Variants in OAS3 observed in about 807,000 individuals in gnomAD.
OAS3 encodes 2'-5'-oligoadenylate synthase 3.
OAS3 carries 107 observed loss-of-function variants against 113.0 expected under a neutral mutation model. The observed-to-expected ratio is 0.95, with a 90% confidence interval of 0.81 to 1.11. OAS3 has a LOEUF of 1.11. OAS3 is among the 50% of genes most tolerant of loss of function. OAS3 has a pLI of 0.00. For missense variants in OAS3, 1,258 were observed against 1,389.1 expected, an observed-to-expected ratio of 0.91 and a Z score of 1.50; for synonymous variants, 552 against 573.6, an observed-to-expected ratio of 0.96 and a Z score of 0.54.
At chr12:112,951,839 CAA>C (rs3038125) in intron 7 of OAS3, among the ~76,000 whole-genome samples, 7,738 of 105,702 alleles carry the variant, frequency 0.073, 368 homozygotes, top group African/African-American at 0.2. Context: ...ACTAAAAATA[CAA>C]AAAAAAAAAA....
intron 14 of OAS3, among the ~76,000 whole-genome samples, chr12:112,968,669 C>G (rs2043958079): frequency 6.6e-6 from 1 of 152,150 alleles, no homozygotes; most frequent in Non-Finnish European, 1.5e-5. Flanking sequence ...CGCATGCCAC[C>G]AGGTCCAGCT....
chr12:112,967,605 G>A lies in OAS3; in HGVS notation c.2865+12G>A. On this transcript the variant is annotated intron_variant, in intron 13 of 15. Transcript: ENST00000228928. ...ACTGGTACCAGCAGGTTCGGCACAT[G>A]GATAGGCCACCTTCCTAAGTTGCCC... 1 of 1,610,136 alleles carries A rather than the reference G, an allele frequency of 6.2e-7. No individual in the cohort carries two copies. The highest frequency in any genetic ancestry group is 8.5e-7 in the Non-Finnish European group (1 of 1,177,824).
chr12:112,941,974 C>T, intron 2 of OAS3, 122 bp downstream of exon 2: 2 of 1,207,382 alleles, frequency 1.7e-6, no homozygotes, highest in Non-Finnish European at 2.4e-6. Flanking sequence ...CTACCCCTCT[C>T]TCAGCCTCAG....
At chr12:112,966,493 A>G (rs1390016433) in intron 12 of OAS3, among the ~76,000 whole-genome samples, 1 of 152,172 alleles carries the variant, frequency 6.6e-6, no homozygotes, top group African/African-American at 2.4e-5. Context: ...AGGCACCAAA[A>G]ATAAAGCCTT....
chr12:112,941,664 G>T lies in OAS3; in HGVS notation c.272G>T (p.Arg91Met). The change falls in exon 2 of 16, where the codon AGG (arginine) becomes ATG (methionine). Residue 91 changes from arginine (R) to methionine (M), a missense_variant. Coordinates refer to ENST00000228928, the MANE Select transcript of OAS3 (RefSeq NM_006187.4). ...LDCFKSYVDQRARRAEILSEM... is the reference protein window; with the variant it reads ...LDCFKSYVDQMARRAEILSEM... ...TGCTTCAAGAGCTATGTGGACCAGA[G>T]GGCCCGCCGTGCAGAGATCCTCAGT... 6.2e-7 allele frequency: 1 copy of T among 1,614,044 alleles called. No homozygotes were observed. The highest frequency in any genetic ancestry group is 8.5e-7 in the Non-Finnish European group (1 of 1,179,904).
chr12:112,966,663 A>T (rs1377052584), intron 12 of OAS3, among the ~76,000 whole-genome samples: 1 of 152,080 alleles, frequency 6.6e-6, no homozygotes, highest in Non-Finnish European at 1.5e-5. Flanking sequence ...TTTTTAAGAG[A>T]CAGGGTCTTA....
chr12:112,943,138 TTGTCTAGGCTGGTCTTGAACTTC>T (rs2043695103), intron 2 of OAS3, among the ~76,000 whole-genome samples: 1 of 152,114 alleles, frequency 6.6e-6, no homozygotes, highest in Non-Finnish European at 1.5e-5. Context: ...TTTCACCATG[TTGTCTAGGCTGGTCTTGAACTTC>T]TGAGATCAAA....
intron 6 of OAS3, among the ~76,000 whole-genome samples, chr12:112,950,367 A>C (rs981221479): frequency 6.6e-6 from 1 of 152,358 alleles, no homozygotes; most frequent in South Asian, 2.1e-4. Flanking sequence ...CCAGATGTGC[A>C]GTCAGTAGAT....
At chr12:112,941,428 A>T (rs2043678403) in intron 1 of OAS3, 142 bp from the exon 2 acceptor site, 1 of 816,816 alleles carries the variant, frequency 1.2e-6, no homozygotes, top group Non-Finnish European at 2.0e-6. Flanking sequence ...CCCTGGGCCC[A>T]CATTCCCGCG....
rs2043972130 is a variant in OAS3 at position 112,970,149 on chromosome 12, C to A, written c.*176C>A. 4 of 720,252 alleles carry A rather than the reference C, an allele frequency of 5.6e-6. No individual in the cohort carries two copies. The highest frequency in any genetic ancestry group is 9.6e-6 in the Non-Finnish European group (4 of 416,744). 44.6% of individuals were successfully genotyped at this position (720,252 alleles called of 1,614,324 possible). A position where few individuals can be genotyped will look rare whatever the true frequency, so the allele number is the denominator to read the frequency against. On this transcript the variant is annotated 3_prime_UTR_variant, in exon 16 of 16. Coordinates refer to ENST00000228928, the MANE Select transcript of OAS3 (RefSeq NM_006187.4). ...GTGTGTTTTAGTGAATCTGCTCTCCCAGCTCACACACTCCCCTGCCTCCCA... is the reference window on the plus strand; with the variant it reads ...GTGTGTTTTAGTGAATCTGCTCTCCAAGCTCACACACTCCCCTGCCTCCCA...
chr12:112,950,898 C>T lies in OAS3; in HGVS notation c.1580C>T (p.Ala527Val). The change falls in exon 7 of 16, where the codon GCT (alanine) becomes GTT (valine). Residue 527 changes from alanine to valine, a missense_variant. Coordinates refer to ENST00000228928, the MANE Select transcript of OAS3 (RefSeq NM_006187.4). ...TTTCCTGAGCAGAATGTGCCTGAGG[C>T]TCTGCAGTTCCAGCTGGTGTCCACA... ...LQFPEQNVPE[A>V]LQFQLVSTAL... is the part of the protein sequence containing the mutation. 2 of 1,614,006 alleles carry T rather than the reference C, an allele frequency of 1.2e-6. No individual in the cohort carries two copies. The highest frequency in any genetic ancestry group is 1.7e-6 in the Non-Finnish European group (2 of 1,179,888).
At chr12:112,943,341 G>T (rs998452578) in intron 2 of OAS3, among the ~76,000 whole-genome samples, 1 of 152,122 alleles carries the variant, frequency 6.6e-6, no homozygotes, top group Non-Finnish European at 1.5e-5. Flanking sequence ...AACTTATGAG[G>T]TCTGTACTGT....
chr12:112,951,137 A>G (rs1245715187), intron 7 of OAS3, among the ~76,000 whole-genome samples, 162 bp downstream of exon 7: 2 of 152,120 alleles, frequency 1.3e-5, no homozygotes, highest in Non-Finnish European at 2.9e-5. Context: ...AAATCTTACA[A>G]CTATTTAGTG....
At chr12:112,955,948 T>A (rs982593460) in intron 7 of OAS3, among the ~76,000 whole-genome samples, 1 of 152,248 alleles carries the variant, frequency 6.6e-6, no homozygotes, top group Non-Finnish European at 1.5e-5. Flanking sequence ...AGAATTCGGC[T>A]GTGAATCCAT....
At position 112,948,023 on chromosome 12, in the gene OAS3, A is replaced by T. The variant is rs1360137997; in HGVS notation, c.953A>T (p.Gln318Leu). ...GAAWHWDLLA[Q>L]EAASCYDHPC... ...GCCTGGCACTGGGATTTGCTAGCCC[A>T]GGAGGCAGCATCCTGCTATGACCAC... Residue 318 changes from glutamine (Q) to leucine (L), a missense_variant, in exon 5 of 16, where the codon CAG becomes CTG. Gln to Leu is a moderately radical substitution (Grantham distance 113). Coordinates refer to ENST00000228928, the MANE Select transcript of OAS3 (RefSeq NM_006187.4). 1.2e-6 allele frequency: 2 copies of T among 1,601,724 alleles called. No individual in the cohort carries two copies. Among genetic ancestry groups the T allele is most frequent in the South Asian group, 2.2e-5 (2 of 89,660 alleles).
rs575866905 is a variant in OAS3, at chr12:112,946,790, C to T, written c.684C>T (p.Ala228=). The change falls in exon 4 of 16, where the codon GCC becomes GCT. Residue 228 remains alanine, a synonymous_variant. Coordinates refer to ENST00000228928, the MANE Select transcript of OAS3 (RefSeq NM_006187.4). The stretch of plus-strand genomic sequence containing the variant: ...AGGAGACGCTGCCCCCGGTCTATGC[C>T]CTGGAATTGCTGACCATCTTCGCCT... ...LWKETLPPVY[A]LELLTIFAWE... is the part of the protein sequence containing the mutation. The T allele has an allele frequency of 6.2e-7, 1 of 1,613,460 alleles. No homozygotes were observed. Among genetic ancestry groups the T allele is most frequent in the African/African-American group, 1.3e-5 (1 of 75,032 alleles).
rs1295665839 is a variant in OAS3, at chr12:112,941,581, G to A, written c.189G>A (p.Ser63=). Residue 63 remains serine, a synonymous_variant, in exon 2 of 16, where the codon TCG becomes TCA. Coordinates refer to ENST00000228928, the MANE Select transcript of OAS3 (RefSeq NM_006187.4). ...TTTTCTTTGCCCAGGGAGGCTCCTCGGGCCGGGGCACAGCTCTCAAGGGTG... is the reference window on the plus strand; with the variant it reads ...TTTTCTTTGCCCAGGGAGGCTCCTCAGGCCGGGGCACAGCTCTCAAGGGTG... ...RVLKTVKGGS[S]GRGTALKGGC... 4.3e-6 allele frequency: 7 copies of A among 1,611,152 alleles called. No individual in the cohort carries two copies. In the South Asian group the frequency reaches 4.4e-5, roughly 10 times the overall value.
At chr12:112,950,661 G>A in intron 6 of OAS3, 32 bp from the exon 7 acceptor site, 5 of 1,610,546 alleles carry the variant, frequency 3.1e-6, no homozygotes, top group Non-Finnish European at 4.2e-6. Context: ...CTCCTAGAGG[G>A]TCCCTGATCT....
intron 2 of OAS3, among the ~76,000 whole-genome samples, chr12:112,943,483 T>C (rs1369184112): frequency 6.6e-6 from 1 of 152,134 alleles, no homozygotes; most frequent in Non-Finnish European, 1.5e-5. Flanking sequence ...TCCCAAGCCA[T>C]GCCCATGGGA....
Sources: gnomAD v4.1 joint callset for allele counts (sites outside exome capture counted in the v4.1 genomes callset) on GRCh38, gnomAD v4.1.1 for gene constraint, MANE v1.5 for transcripts, NCBI Gene and HGNC (gene_info 2026-07-23, HGNC 2026-07-21) for gene names.